The following MSANTD4 variants were observed in gnomAD, a reference collection of about 807,000 sequenced individuals.
The protein encoded by MSANTD4 is myb/SANT-like DNA-binding domain-containing protein 4.
Under a neutral mutation model 34.3 loss-of-function variants are expected in MSANTD4, and 13 were observed. The observed-to-expected ratio is 0.38, with a 90% CI of 0.25 to 0.60. MSANTD4 has a LOEUF of 0.60. Among genes scored for constraint, MSANTD4 ranks in the 20% least tolerant of loss-of-function variants. The pLI is 0.63. For synonymous variants in MSANTD4, 137 were observed against 145.2 expected (o/e 0.94, Z 0.41); for missense variants, 358 against 401.8 (o/e 0.89, Z 0.93).
At chr11:106,017,017 CT>C (rs1347086228) in intron 1 of MSANTD4, among the ~76,000 whole-genome samples, 1 of 152,158 alleles carries the variant, frequency 6.6e-6, no homozygotes, top group Non-Finnish European at 1.5e-5. Context: ...TTTACATAGC[CT>C]TTTGAGCCAT....
rs778897015 is a variant in MSANTD4, at chr11:106,009,518, A to T, written c.*17T>A. On this transcript the variant is annotated 3_prime_UTR_variant, in exon 3 of 3. Transcript: ENST00000301919. ...TCTAGAGTTTTCAAACATTTGCTAA[A>T]TGGAAGCCTGGAAAAATCACTGCAA... The T allele has an allele frequency of 1.9e-6, 3 of 1,574,376 alleles. No individual in the cohort carries two copies. In the Admixed American group the frequency reaches 5.8e-5, roughly 30 times the overall value.
Position 106,010,632 on chromosome 11 carries a change from A to G in MSANTD4, c.286T>C (p.Phe96Leu), listed in dbSNP as rs1255424198. ...KANIKLVGSG[F>L]PLPSSDLDDS... ...TCCAAATCAGAGGAGGGAAGGGGAAATCCTGAACCAACCAGCTTAATGTTG... is the reference window on the plus strand; with the variant it reads ...TCCAAATCAGAGGAGGGAAGGGGAAGTCCTGAACCAACCAGCTTAATGTTG... The change falls in exon 2 of 3, where the codon TTT becomes CTT. Residue 96 changes from phenylalanine (F) to leucine (L), a missense_variant. By Grantham distance (22) the Phe-to-Leu change is conservative. This residue lies in a region of MSANTD4 where 312 missense variants were observed against 317.6 expected (regional missense o/e 0.98). Transcript: ENST00000301919. 7.4e-6 allele frequency: 12 copies of G among 1,614,170 alleles called. No homozygotes were observed. The highest frequency in any genetic ancestry group is 1.0e-5 in the Non-Finnish European group (12 of 1,180,022).
At chr11:106,016,376 T>G (rs752691245) in intron 1 of MSANTD4, among the ~76,000 whole-genome samples, 9 of 152,294 alleles carry the variant, frequency 5.9e-5, no homozygotes, top group Non-Finnish European at 1.0e-4. Flanking sequence ...ATGCTGCTTC[T>G]TAGTACCCTA....
At position 106,009,127 on chromosome 11, in the gene MSANTD4, T is replaced by C. The variant is rs1859607173; in HGVS notation, c.*408A>G. Reference sequence around the variant, plus strand: ...AGTGTGGGGGGGTGTTGAGGAGGTATGCATTGCACAGTAGCAACCTTTTCC... The same window carrying C: ...AGTGTGGGGGGGTGTTGAGGAGGTACGCATTGCACAGTAGCAACCTTTTCC... On this transcript the variant is annotated 3_prime_UTR_variant, in exon 3 of 3. Coordinates refer to ENST00000301919, the MANE Select transcript of MSANTD4 (RefSeq NM_032424.3). The C allele has an allele frequency of 6.2e-6, 1 of 162,066 alleles. No individual in the cohort carries two copies. Among genetic ancestry groups the C allele is most frequent in the African/African-American group, 2.4e-5 (1 of 41,610 alleles). 10.0% of individuals were successfully genotyped at this position (162,066 alleles called of 1,614,324 possible). A position where few individuals can be genotyped will look rare whatever the true frequency, so the allele number is the denominator to read the frequency against.
At chr11:106,019,543 T>C (rs901571001) in intron 1 of MSANTD4, among the ~76,000 whole-genome samples, 1 of 152,200 alleles carries the variant, frequency 6.6e-6, no homozygotes, top group African/African-American at 2.4e-5. Context: ...CCCATTTCCA[T>C]GGTGTCTGCC....
chr11:106,012,870 A>G (rs1181735516), intron 1 of MSANTD4, among the ~76,000 whole-genome samples: 3 of 152,170 alleles, frequency 2.0e-5, no homozygotes, highest in African/African-American at 7.2e-5. Context: ...CACATCCACA[A>G]TCCTCACTGC....
chr11:106,010,879 A>T lies in MSANTD4; in HGVS notation c.39T>A (p.Ser13Arg). 2.5e-6 allele frequency: 4 copies of T among 1,605,534 alleles called. No individual in the cohort carries two copies. The highest frequency in any genetic ancestry group is 3.4e-6 in the Non-Finnish European group (4 of 1,176,212). Residue 13 changes from serine (S) to arginine (R), a missense_variant, in exon 2 of 3, where the codon AGT becomes AGA. Physicochemically the swap from Ser to Arg is moderately radical, Grantham distance 110. This residue lies in a region of MSANTD4 where 46 missense variants were observed against 84.3 expected (regional missense o/e 0.55). Transcript: ENST00000301919. The part of the protein sequence containing the change: ...QLKRKRKSNF[S>R]VQETQTLLKE... The stretch of plus-strand genomic sequence containing the variant: ...TCAAAAGGGTCTGAGTTTCTTGAAC[A>T]CTAAAATTGCTTTTCCTTTTTCTTT...
intron 1 of MSANTD4, 93 bp from the exon 2 acceptor site, chr11:106,011,160 A>C: frequency 1.8e-6 from 1 of 549,262 alleles, no homozygotes; most frequent in South Asian, 3.2e-5. Flanking sequence ...GAGAAACAAA[A>C]AACAACCCTC....
rs140719237 is a variant in MSANTD4 at position 106,010,033 on chromosome 11, G to A, written c.540C>T (p.Phe180=). ...GGGTAAAAAACTCATCAATGTGGGGGAAATCGGGAAGTTCATTTTCTCTCC... is the reference window on the plus strand; with the variant it reads ...GGGTAAAAAACTCATCAATGTGGGGAAAATCGGGAAGTTCATTTTCTCTCC... ...DSRRENELPD[F]PHIDEFFTLN... Residue 180 remains phenylalanine (F), a synonymous_variant, in exon 3 of 3, where the codon TTC becomes TTT. Coordinates refer to ENST00000301919, the MANE Select transcript of MSANTD4 (RefSeq NM_032424.3). 54 of 1,601,648 alleles carry A rather than the reference G, an allele frequency of 3.4e-5. No individual in the cohort carries two copies. In the African/African-American group the frequency reaches 6.7e-4, roughly 20 times the overall value.
intron 1 of MSANTD4, among the ~76,000 whole-genome samples, chr11:106,013,401 A>G (rs988483595): frequency 3.3e-5 from 5 of 152,206 alleles, no homozygotes; most frequent in African/African-American, 9.6e-5. Flanking sequence ...AAACCCCATC[A>G]TAACATTAAA....
At chr11:106,014,000 C>T (rs947919523) in intron 1 of MSANTD4, among the ~76,000 whole-genome samples, 1 of 152,220 alleles carries the variant, frequency 6.6e-6, no homozygotes, top group African/African-American at 2.4e-5. Flanking sequence ...CCTCTACCTC[C>T]TGTTAAAGTA....
chr11:106,015,445 C>G (rs1591521130), intron 1 of MSANTD4, among the ~76,000 whole-genome samples: 1 of 152,308 alleles, frequency 6.6e-6, no homozygotes, highest in East Asian at 1.9e-4. Context: ...ATTTAAATAA[C>G]TTTGACAAAA....
rs1311799131 is a variant in MSANTD4, at chr11:106,009,694, T to C, written c.879A>G (p.Ile293Met). 2 of 1,614,230 alleles carry C rather than the reference T, an allele frequency of 1.2e-6. No individual in the cohort carries two copies. The highest frequency in any genetic ancestry group is 8.5e-7 in the Non-Finnish European group (1 of 1,180,038). The change falls in exon 3 of 3, where the codon ATA becomes ATG. Residue 293 changes from isoleucine to methionine, a missense_variant. This residue lies in a region of MSANTD4 where 312 missense variants were observed against 317.6 expected (regional missense o/e 0.98). Transcript: ENST00000301919. ...GCTCAAGTTTTAACTTCTCTGTTTC[T>C]ATGTCCTGTGGTTGAAGCATGGATT... The part of the protein sequence containing the change: ...GEKSMLQPQD[I>M]ETEKLKLERE...
intron 1 of MSANTD4, among the ~76,000 whole-genome samples, chr11:106,013,909 G>A (rs776935574): frequency 6.6e-6 from 1 of 152,180 alleles, no homozygotes; most frequent in Admixed American, 6.5e-5. Flanking sequence ...GTTTTGAGAT[G>A]TCATTTAGTA....
Position 106,009,817 on chromosome 11 carries a change from T to C in MSANTD4, c.756A>G (p.Leu252=). Residue 252 remains leucine (L), a synonymous_variant, in exon 3 of 3, where the codon CTA becomes CTG. Coordinates refer to ENST00000301919, the MANE Select transcript of MSANTD4 (RefSeq NM_032424.3). ...TTTCAATCTGCAGCCGCTCCTTCTC[T>C]AGCTGAAGCCGCTCATGTTCCATGT... ...HLDMEHERLQ[L]EKERLQIERE... is the part of the protein sequence containing the mutation. 2 of 1,614,210 alleles carry C rather than the reference T, an allele frequency of 1.2e-6. No homozygotes were observed. The highest frequency in any genetic ancestry group is 1.7e-6 in the Non-Finnish European group (2 of 1,180,046).
chr11:106,010,555 T>C lies in MSANTD4; in HGVS notation c.363A>G (p.Ala121=), dbSNP rs1264238552. 6.2e-7 allele frequency: 1 copy of C among 1,614,190 alleles called. No homozygotes were observed. The highest frequency in any genetic ancestry group is 1.7e-5 in the Admixed American group (1 of 60,022). Residue 121 remains alanine, a synonymous_variant, in exon 2 of 3, where the codon GCA becomes GCG. Transcript: ENST00000301919. ...CTGCCACATTTTGCCAGTCAAAATT[T>C]GCATCATTTCGGAATCCAATCTTTT... ...IDEKIGFRND[A]NFDWQNVADF... is the part of the protein sequence containing the mutation.
intron 1 of MSANTD4, among the ~76,000 whole-genome samples, chr11:106,016,865 T>TA (rs940058934): frequency 9.9e-5 from 15 of 151,836 alleles, no homozygotes; most frequent in African/African-American, 1.4e-4. Flanking sequence ...TCAAGGACAT[T>TA]AAAAAAAATA....
At chr11:106,011,948 A>T (rs1859706953) in intron 1 of MSANTD4, among the ~76,000 whole-genome samples, 1 of 152,068 alleles carries the variant, frequency 6.6e-6, no homozygotes, top group Non-Finnish European at 1.5e-5. Flanking sequence ...ACAAATTCAA[A>T]CTCATTTTAA....
Position 106,008,033 on chromosome 11 carries a change from AAC to A in MSANTD4, c.*1500_*1501del, listed in dbSNP as rs1859579172. 1.3e-5 allele frequency: 2 copies of A among 152,804 alleles called. No homozygotes were observed. The highest frequency in any genetic ancestry group is 4.1e-4 in the South Asian group (2 of 4,828). 9.5% of individuals were successfully genotyped at this position (152,804 alleles called of 1,614,324 possible). ...CCTTGCATACCCATCCTCAAATGTCAACACACAGTTTCCAGCCATTCTTACAA... is the reference window on the plus strand; with the variant it reads ...CCTTGCATACCCATCCTCAAATGTCAACACAGTTTCCAGCCATTCTTACAA... On this transcript the variant is annotated 3_prime_UTR_variant, in exon 3 of 3. Transcript: ENST00000301919.
Sources: allele counts gnomAD v4.1 joint callset (sites outside exome capture counted in the v4.1 genomes callset), GRCh38; gene constraint gnomAD v4.1.1; regional missense constraint gnomAD v4.1.1; transcripts MANE v1.5; gene names NCBI Gene and HGNC (gene_info 2026-07-23, HGNC 2026-07-21).